Variants in INTS11 observed in about 807,000 individuals in gnomAD.
The protein encoded by INTS11 is CPSF3-like protein.
A neutral mutation model predicts 78.6 loss-of-function variants in INTS11; 77 were observed. The ratio of observed to expected loss-of-function variants is 0.98; its 90% CI spans 0.81 to 1.18. The LOEUF is 1.18. INTS11 is among the 50% of genes most tolerant of loss of function. INTS11 has a pLI of 0.00. For missense variants in INTS11, 875 were observed against 825.9 expected, an observed-to-expected ratio of 1.06 and a Z score of -0.73; for synonymous variants, 441 against 326.9, an observed-to-expected ratio of 1.35 and a Z score of -3.77.
intron 1 of INTS11, among the ~76,000 whole-genome samples, chr1:1,323,968 C>T (rs1643136805): frequency 1.9e-4 from 1 of 5,264 alleles, no homozygotes; most frequent in African/African-American, 9.1e-4. Context: ...GTCTGCTGGG[C>T]TGAGGGGCTG....
chr1:1,314,766 C>T lies in INTS11; in HGVS notation c.702+58G>A. On this transcript the variant is annotated intron_variant, in intron 7 of 16. Coordinates refer to ENST00000435064, the MANE Select transcript of INTS11 (RefSeq NM_017871.6). This position sits in a 1 kb window ranked among gnomAD's most constrained non-coding sequence, Gnocchi z 4.2. ...CCCATGCCAAGGGCAGCCAAGCCTGCCAGAAAGACCAGCCCAGCATGGCCG... is the reference window on the plus strand; with the variant it reads ...CCCATGCCAAGGGCAGCCAAGCCTGTCAGAAAGACCAGCCCAGCATGGCCG... 6.4e-7 allele frequency: 1 copy of T among 1,566,214 alleles called. No homozygotes were observed. Among genetic ancestry groups the T allele is most frequent in the Non-Finnish European group, 8.7e-7 (1 of 1,149,154 alleles).
chr1:1,316,447 G>A (rs969843645), intron 4 of INTS11: 1 of 152,140 alleles, frequency 6.6e-6, no homozygotes, highest in African/African-American at 2.4e-5. Context: ...AAGTTAGCTG[G>A]GCATGGTGGT....
intron 3 of INTS11, chr1:1,320,099 C>T (rs1380846681): frequency 2.4e-5 from 6 of 254,082 alleles, no homozygotes; most frequent in South Asian, 1.5e-4. Flanking sequence ...CCCAGACCAG[C>T]GGGTCATGAG....
In INTS11 at chr1:1,312,238, C is replaced by T. The variant is rs1179153155; in HGVS notation, c.1595G>A (p.Ser532Asn). The T allele has an allele frequency of 7.4e-6, 11 of 1,480,096 alleles. No individual in the cohort carries two copies. The East Asian group carries it at 9.6e-5, about 13-fold the overall frequency. The allele number at this position is 1,480,096 out of a possible 1,614,324, so 91.7% of individuals were successfully genotyped here. ...KEQETALRVY[S>N]HLKSVLKDHC... The stretch of plus-strand genomic sequence containing the variant: ...GCCGGGCGCCCACCTCTTGAGGTGG[C>T]TGTAGACGCGCAATGCCGTCTCCTG... Residue 532 changes from serine (S) to asparagine (N), a missense_variant, in exon 15 of 17, where the codon AGC becomes AAC. Ser to Asn is a conservative substitution (Grantham distance 46). Transcript: ENST00000435064.
chr1:1,320,258 A>C (rs750092110), intron 3 of INTS11, 198 bp downstream of exon 3: 44 of 591,340 alleles, frequency 7.4e-5, no homozygotes, highest in Non-Finnish European at 1.2e-4. Context: ...TTCAGAGGGC[A>C]GGGCCGGAAG....
At position 1,321,097 on chromosome 1, in the gene INTS11, CT is replaced by C; in HGVS notation, c.29-5del. 2 of 1,607,776 alleles carry C rather than the reference CT, an allele frequency of 1.2e-6. No homozygotes were observed. Among genetic ancestry groups the C allele is most frequent in the Non-Finnish European group, 1.7e-6 (2 of 1,176,446 alleles). Reference sequence around the variant, plus strand: ...CGGCCCACGTCCTGGCCGGCCCCTACTCGAGGGAGGGCAGATGAGTCACTGC... The same window carrying C: ...CGGCCCACGTCCTGGCCGGCCCCTACCGAGGGAGGGCAGATGAGTCACTGC... On this transcript the variant is annotated splice_polypyrimidine_tract_variant and splice_region_variant and intron_variant, in intron 1 of 16. Transcript: ENST00000435064.
At position 1,320,081 on chromosome 1, in the gene INTS11, C is replaced by A. The variant is rs575277995; in HGVS notation, c.200+375G>T. ...AGCAGGAGTGCTGTGGCCGTCCAGA[C>A]GAGGCCACCCAGACCAGCGGGTCAT... On this transcript the variant is annotated intron_variant, in intron 3 of 16. Transcript: ENST00000435064. 2.5e-5 allele frequency: 6 copies of A among 239,098 alleles called. No individual in the cohort carries two copies. The East Asian group carries it at 6.6e-4, about 26-fold the overall frequency. 14.8% of individuals were successfully genotyped at this position (239,098 alleles called of 1,614,324 possible).
At position 1,323,131 on chromosome 1, in the gene INTS11, A is replaced by C. The variant is rs1199966236; in HGVS notation, c.28+1450T>G. 11 of 1,547,530 alleles carry C rather than the reference A, an allele frequency of 7.1e-6. No homozygotes were observed. In the East Asian group the frequency reaches 2.7e-4, roughly 38 times the overall value. On this transcript the variant is annotated intron_variant, in intron 1 of 16. Transcript: ENST00000435064. ...GTGTGCACAGGCCAGGGGTGTTCAC[A>C]GCACAGTGTCCACACCGGGGCGGGG... is the stretch of plus-strand genomic sequence containing the variant.
intron 15 of INTS11, 23 bp downstream of exon 15, chr1:1,312,203 G>GGGT: frequency 8.4e-7 from 1 of 1,196,350 alleles, no homozygotes; most frequent in Admixed American, 2.1e-5. Flanking sequence ...GGGAGTGGGG[G>GGGT]GGGGGCGGGG....
intron 4 of INTS11, chr1:1,316,778 G>C (rs1642633476): frequency 6.6e-6 from 1 of 150,832 alleles, no homozygotes; most frequent in African/African-American, 2.4e-5. Context: ...TACAAAATTA[G>C]CCGGATGTGG....
chr1:1,318,113 G>A (rs539966810), intron 4 of INTS11, among the ~76,000 whole-genome samples: 3 of 152,116 alleles, frequency 2.0e-5, no homozygotes, highest in Non-Finnish European at 2.9e-5. Context: ...CTCGTGATCC[G>A]CCTGTCTCGG....
At position 1,313,637 on chromosome 1, in the gene INTS11, C is replaced by A. The variant is rs746704150; in HGVS notation, c.958-45G>T. ...AGGTGGGGGGTCAGGGCAGCAGATG[C>A]CCCCACCCCCACTGCAGGCCCAAGC... On this transcript the variant is annotated intron_variant, in intron 9 of 16. Coordinates refer to ENST00000435064, the MANE Select transcript of INTS11 (RefSeq NM_017871.6). 3 of 1,610,522 alleles carry A rather than the reference C, an allele frequency of 1.9e-6. No homozygotes were observed. In the South Asian group the frequency reaches 3.3e-5, roughly 18 times the overall value.
chr1:1,311,802 C>T lies in INTS11; in HGVS notation c.*57G>A. On this transcript the variant is annotated 3_prime_UTR_variant, in exon 17 of 17. Transcript: ENST00000435064. Reference sequence around the variant, plus strand: ...GGCACCCACAGTCCTGAAGTGCAGGCCCAGGGTCTGTCCAGCTGGGAGAGG... The same window carrying T: ...GGCACCCACAGTCCTGAAGTGCAGGTCCAGGGTCTGTCCAGCTGGGAGAGG... 2 of 1,506,864 alleles carry T rather than the reference C, an allele frequency of 1.3e-6. No individual in the cohort carries two copies. The highest frequency in any genetic ancestry group is 1.8e-6 in the Non-Finnish European group (2 of 1,119,760). 93.3% of individuals were successfully genotyped at this position (1,506,864 alleles called of 1,614,324 possible).
At position 1,314,521 on chromosome 1, in the gene INTS11, A is replaced by G; in HGVS notation, c.703-156T>C. On this transcript the variant is annotated intron_variant, in intron 7 of 16. Transcript: ENST00000435064. This position sits in a 1 kb window ranked among gnomAD's most constrained non-coding sequence, Gnocchi z 4.2. ...GTCCCGTCCCAGCCGCTCTCCAGAG[A>G]CAGAAGGGAGCCGTATGAGAGACAG... 2.9e-6 allele frequency: 2 copies of G among 689,622 alleles called. No homozygotes were observed. The highest frequency in any genetic ancestry group is 4.8e-6 in the Non-Finnish European group (2 of 413,306). The allele number at this position is 689,622 out of a possible 1,614,324, so 42.7% of individuals were successfully genotyped here.
In INTS11 at chr1:1,312,209, C is replaced by CGGGGGGGGGGGGGGGGGGGGGGGGGG; in HGVS notation, c.1607+16_1607+17insCCCCCCCCCCCCCCCCCCCCCCCCCC. 1 of 863,572 alleles carries CGGGGGGGGGGGGGGGGGGGGGGGGGG rather than the reference C, an allele frequency of 1.2e-6. No homozygotes were observed. The highest frequency in any genetic ancestry group is 1.6e-6 in the Non-Finnish European group (1 of 629,198). The allele number at this position is 863,572 out of a possible 1,614,324, so 53.5% of individuals were successfully genotyped here. ...AGGGCCCAAGGGAGTGGGGGGGGGG[C>CGGGGGGGGGGGGGGGGGGGGGGGGGG]GGGGCCGGGCGCCCACCTCTTGAGG... On this transcript the variant is annotated intron_variant, in intron 15 of 16. Transcript: ENST00000435064.
At chr1:1,323,908 G>A (rs1156704227) in intron 1 of INTS11, among the ~76,000 whole-genome samples, 1 of 7,876 alleles carries the variant, frequency 1.3e-4, no homozygotes, top group Non-Finnish European at 3.0e-4. Context: ...AAGGGGCTTG[G>A]GGGCTGGGGG....
chr1:1,312,971 G>A, intron 11 of INTS11, 22 bp from the exon 12 acceptor site: 1 of 1,612,132 alleles, frequency 6.2e-7, no homozygotes, highest in Non-Finnish European at 8.5e-7. Context: ...ACGGGGCGTG[G>A]ACAGTGGTTA....
intron 3 of INTS11, chr1:1,320,101 G>A: frequency 3.8e-6 from 1 of 262,780 alleles, no homozygotes; most frequent in Non-Finnish European, 7.4e-6. Context: ...CAGACCAGCG[G>A]GTCATGAGCT....
intron 1 of INTS11, among the ~76,000 whole-genome samples, chr1:1,324,059 A>G (rs1473884122): frequency 3.6e-4 from 3 of 8,430 alleles, no homozygotes; most frequent in Admixed American, 2.5e-3. Context: ...TGGGGGGCTG[A>G]GGGACTGAGG....
Sources: gnomAD v4.1 joint callset for allele counts (sites outside exome capture counted in the v4.1 genomes callset) on GRCh38, gnomAD v4.1.1 for gene constraint, Gnocchi (gnomAD v3.1) non-coding constraint, MANE v1.5 for transcripts, NCBI Gene and HGNC (gene_info 2026-07-23, HGNC 2026-07-21) for gene names.